ARHGAP6: variants seen among roughly 807,000 people sequenced by gnomAD.
The protein encoded by ARHGAP6 is rho GTPase-activating protein 6.
In ARHGAP6, 16 loss-of-function variants were observed where a neutral mutation model predicts 55.7. That is an observed-to-expected ratio of 0.29 (90% CI 0.19 to 0.44). The LOEUF (loss-of-function observed/expected upper bound fraction) is 0.44, where lower values mean the gene tolerates loss of function less well. Ranked by LOEUF, ARHGAP6 falls within the 20% of genes least tolerant of loss-of-function variation. The probability of loss-of-function intolerance (pLI) is 1.00; values close to 1 mark genes in which losing one functional copy is unlikely to be tolerated. For synonymous variants in ARHGAP6, 382 were observed against 360.9 expected, an observed-to-expected ratio of 1.06 and a Z score of -0.66; for missense variants, 698 against 808.9, an observed-to-expected ratio of 0.86 and a Z score of 1.66.
chrX:11,450,288 G>A (rs924899317), intron 1 of ARHGAP6, among the ~76,000 whole-genome samples: 13 of 110,513 alleles, frequency 1.2e-4, no homozygotes, highest in African/African-American at 4.0e-4. Context: ...TGATGAAAGG[G>A]TGATAGCTGA....
chrX:11,586,371 A>G (rs982905111), intron 1 of ARHGAP6, among the ~76,000 whole-genome samples: 2 of 111,977 alleles, frequency 1.8e-5, no homozygotes, highest in African/African-American at 3.2e-5. Flanking sequence ...GAAGAGGTAC[A>G]GTTTCAATCT....
intron 1 of ARHGAP6, among the ~76,000 whole-genome samples, chrX:11,565,247 G>A (rs1206299063): frequency 9.0e-6 from 1 of 111,607 alleles, no homozygotes; most frequent in Non-Finnish European, 1.9e-5. Context: ...CTATTGCCCT[G>A]CCCCAGATCA....
chrX:11,171,074 G>C (rs1447222921), intron 8 of ARHGAP6, among the ~76,000 whole-genome samples: 3 of 111,389 alleles, frequency 2.7e-5, no homozygotes, highest in African/African-American at 9.8e-5. Context: ...TTCTTCAAAA[G>C]ATATCACAGA....
chrX:11,664,553 C>A lies in ARHGAP6; in HGVS notation c.276G>T (p.Arg92Ser). 1 of 1,192,130 alleles carries A rather than the reference C, an allele frequency of 8.4e-7. No individual in the cohort carries two copies. The highest frequency in any genetic ancestry group is 1.1e-6 in the Non-Finnish European group (1 of 885,245). Residue 92 changes from arginine (R) to serine (S), a missense_variant, in exon 1 of 13, where the codon AGG (arginine) becomes AGT (serine). Around this residue, in one of 3 missense-constraint regions of ARHGAP6, gnomAD observed 164 missense variants for 149.2 expected, o/e 1.10. Transcript: ENST00000337414. ...AGCAAAGAGGTCCAGGAGGCGGTAG[C>A]CTGGTGGCCCTGGGGGGCGGACCCC... The part of the protein sequence containing the change: ...SSRGPPPRAT[R>S]LPPPGPLCSS...
At chrX:11,558,184 T>G (rs1003667955) in intron 1 of ARHGAP6, among the ~76,000 whole-genome samples, 1 of 111,699 alleles carries the variant, frequency 9.0e-6, no homozygotes, top group Non-Finnish European at 1.9e-5. Flanking sequence ...AAGGCATTAT[T>G]TATTATTGGT....
intron 1 of ARHGAP6, among the ~76,000 whole-genome samples, chrX:11,516,054 T>A (rs1243760282): frequency 8.9e-6 from 1 of 112,545 alleles, no homozygotes; most frequent in Non-Finnish European, 1.9e-5. Flanking sequence ...CTGTGGCTAC[T>A]CCTAACCTTG....
chrX:11,567,358 C>A (rs896494574), intron 1 of ARHGAP6, among the ~76,000 whole-genome samples: 2 of 108,962 alleles, frequency 1.8e-5, no homozygotes, highest in Non-Finnish European at 3.8e-5. Flanking sequence ...AGAGACAGTA[C>A]AGAATATGCC....
Position 11,529,979 on chromosome X carries a change from G to T in ARHGAP6, c.588+134262C>A, listed in dbSNP as rs2051031071. Among the ~76,000 whole-genome samples the T allele has an allele frequency of 2.7e-5, 3 of 111,389 alleles. No homozygotes were observed. The South Asian group carries it at 1.1e-3, about 42-fold the overall frequency. ...ACAAAAATCAGGAAAACTACAATAG[G>T]TATGGATTTGCCACTTCAGAAAGCC... On this transcript the variant is annotated intron_variant, in intron 1 of 12. Coordinates refer to ENST00000337414, the MANE Select transcript of ARHGAP6 (RefSeq NM_013427.3).
chrX:11,482,279 A>C (rs187681557), intron 1 of ARHGAP6, among the ~76,000 whole-genome samples: 1 of 112,265 alleles, frequency 8.9e-6, no homozygotes. Context: ...AAGTAAGAAA[A>C]GCCTAAATGG....
At position 11,138,167 on chromosome X, in the gene ARHGAP6, T is replaced by C. The variant is rs2045570873; in HGVS notation, c.*696A>G. 4 of 112,563 alleles carry C rather than the reference T, an allele frequency of 3.6e-5. No individual in the cohort carries two copies. The highest frequency in any genetic ancestry group is 9.2e-3 in the Middle Eastern group (2 of 217). The allele number at this position is 112,563 out of a possible 1,213,427, so 9.3% of individuals were successfully genotyped here. ...GTTAACTGAATCCTTTCTAAACAAG[T>C]TCTAAAAATATATTTCGTAATCTAT... On this transcript the variant is annotated 3_prime_UTR_variant, in exon 13 of 13. Transcript: ENST00000337414.
intron 1 of ARHGAP6, among the ~76,000 whole-genome samples, chrX:11,426,480 A>G (rs1371415871): frequency 2.7e-5 from 3 of 111,133 alleles, no homozygotes; most frequent in Non-Finnish European, 5.7e-5. Context: ...CTTCTCTCCA[A>G]TTTTTAAAGT....
intron 1 of ARHGAP6, among the ~76,000 whole-genome samples, chrX:11,314,776 G>C (rs977417231): frequency 4.5e-5 from 5 of 111,468 alleles, no homozygotes; most frequent in Non-Finnish European, 9.4e-5. Flanking sequence ...CACACACTGG[G>C]GACCTCTCAG....
intron 1 of ARHGAP6, among the ~76,000 whole-genome samples, chrX:11,567,789 C>A (rs1234150132): frequency 9.1e-6 from 1 of 109,861 alleles, no homozygotes; most frequent in Non-Finnish European, 1.9e-5. Context: ...CATTCTCAGC[C>A]TCCTGAGTAG....
intron 11 of ARHGAP6, chrX:11,143,570 T>C (rs1007146171): frequency 1.1e-6 from 1 of 896,238 alleles, no homozygotes; most frequent in Non-Finnish European, 1.4e-6. Flanking sequence ...TTCATACATA[T>C]AGTAGGTTCA....
At chrX:11,263,654 T>A (rs901590561) in intron 1 of ARHGAP6, among the ~76,000 whole-genome samples, 2 of 111,040 alleles carry the variant, frequency 1.8e-5, no homozygotes, top group African/African-American at 6.5e-5. Context: ...GGTGAGGGAA[T>A]GAGCCAGGCA....
At chrX:11,491,114 A>G (rs960881496) in intron 1 of ARHGAP6, among the ~76,000 whole-genome samples, 3 of 112,222 alleles carry the variant, frequency 2.7e-5, no homozygotes, top group African/African-American at 9.7e-5. Context: ...CTAGACTTGG[A>G]AAACAGAATG....
At chrX:11,453,878 T>G (rs1470567989) in intron 1 of ARHGAP6, among the ~76,000 whole-genome samples, 1 of 111,860 alleles carries the variant, frequency 8.9e-6, no homozygotes, top group East Asian at 2.8e-4. Flanking sequence ...CTCTTGTGGT[T>G]TTGCACTTCA....
intron 1 of ARHGAP6, among the ~76,000 whole-genome samples, chrX:11,323,197 T>C (rs1347850512): frequency 1.8e-5 from 2 of 112,566 alleles, no homozygotes; most frequent in African/African-American, 6.5e-5. Context: ...TTAAAACTTA[T>C]CTTAGTCAAA....
intron 1 of ARHGAP6, among the ~76,000 whole-genome samples, chrX:11,659,687 C>T (rs1569075877): frequency 9.0e-6 from 1 of 111,091 alleles, no homozygotes; most frequent in Admixed American, 9.5e-5. Flanking sequence ...CCGAAAAGAG[C>T]GAGAGAGAGA....
Sources: gnomAD v4.1 joint callset for allele counts (sites outside exome capture counted in the v4.1 genomes callset) on GRCh38, gnomAD v4.1.1 for gene constraint, gnomAD v4.1.1 regional missense constraint, MANE v1.5 for transcripts, NCBI Gene and HGNC (gene_info 2026-07-23, HGNC 2026-07-21) for gene names.